The following LRMDA variants were observed in gnomAD, a reference collection of about 807,000 sequenced individuals.
LRMDA encodes leucine rich melanocyte differentiation associated, also known as leucine-rich melanocyte differentiation-associated protein.
A neutral mutation model predicts 29.8 loss-of-function variants in LRMDA; 18 were observed. The observed-to-expected ratio is 0.60, with a 90% CI of 0.42 to 0.90. The LOEUF (loss-of-function observed/expected upper bound fraction) is 0.90. LRMDA is among the 40% of genes least tolerant of loss of function. LRMDA has a pLI of 0.00. For missense variants in LRMDA, 273 were observed against 273.9 expected (o/e 1.00, Z 0.02); for synonymous variants, 125 against 109.4 (o/e 1.14, Z -0.89).
At chr10:75,483,390 C>T (rs1055841138) in intron 2 of LRMDA, among the ~76,000 whole-genome samples, 33 of 152,212 alleles carry the variant, frequency 2.2e-4, no homozygotes, top group African/African-American at 7.5e-4. Context: ...TTAATTTTGG[C>T]TGAGTTGACA....
intron 6 of LRMDA, among the ~76,000 whole-genome samples, chr10:76,452,966 A>G: frequency 6.6e-6 from 1 of 152,144 alleles, no homozygotes; most frequent in East Asian, 1.9e-4. Context: ...CTGGACTTCT[A>G]TATATTTGAA....
chr10:76,226,012 T>C (rs1851950910), intron 5 of LRMDA, among the ~76,000 whole-genome samples: 1 of 151,902 alleles, frequency 6.6e-6, no homozygotes, highest in Non-Finnish European at 1.5e-5. Flanking sequence ...TTGCTGAGAA[T>C]GATGGTTTCC....
At chr10:76,043,779 T>G (rs932848242) in intron 3 of LRMDA, among the ~76,000 whole-genome samples, 4 of 152,214 alleles carry the variant, frequency 2.6e-5, no homozygotes, top group African/African-American at 9.7e-5. Context: ...ATGACTGGCA[T>G]TTCAATCCAA....
intron 2 of LRMDA, among the ~76,000 whole-genome samples, chr10:75,889,872 G>A (rs972405303): frequency 1.1e-4 from 16 of 152,190 alleles, no homozygotes; most frequent in African/African-American, 3.9e-4. Flanking sequence ...TCAAACTAAG[G>A]GCTATAGAGG....
At chr10:75,658,438 C>T (rs981382435) in intron 2 of LRMDA, among the ~76,000 whole-genome samples, 1 of 152,026 alleles carries the variant, frequency 6.6e-6, no homozygotes, top group Non-Finnish European at 1.5e-5. Flanking sequence ...AATTCCTAAC[C>T]TCAAATAGCA....
chr10:75,944,211 G>A (rs1455785285), intron 2 of LRMDA, among the ~76,000 whole-genome samples: 2 of 152,006 alleles, frequency 1.3e-5, no homozygotes, highest in African/African-American at 4.8e-5. Flanking sequence ...TGTTGTTTTA[G>A]CAGTTTACAG....
intron 5 of LRMDA, among the ~76,000 whole-genome samples, chr10:76,218,886 G>A (rs1228358776): frequency 6.6e-6 from 1 of 152,294 alleles, no homozygotes; most frequent in East Asian, 1.9e-4. Flanking sequence ...GTCCCATGGG[G>A]AGCAGCCAGT....
intron 2 of LRMDA, among the ~76,000 whole-genome samples, chr10:75,920,273 A>AC (rs950423307): frequency 1.3e-5 from 2 of 152,054 alleles, no homozygotes; most frequent in Non-Finnish European, 2.9e-5. Context: ...ATTTGAGATT[A>AC]CCCCCAGGAC....
chr10:75,710,787 T>G (rs969917304), intron 2 of LRMDA, among the ~76,000 whole-genome samples: 1 of 152,244 alleles, frequency 6.6e-6, no homozygotes, highest in African/African-American at 2.4e-5. Context: ...CCTCTTTTCT[T>G]TTTATCCTGT....
chr10:76,151,568 G>A (rs975553348), intron 5 of LRMDA, among the ~76,000 whole-genome samples: 5 of 152,156 alleles, frequency 3.3e-5, no homozygotes, highest in African/African-American at 1.2e-4. Flanking sequence ...TTATGTGTGG[G>A]GGAGGAAAAA....
chr10:75,637,977 A>G (rs374715547), intron 2 of LRMDA, among the ~76,000 whole-genome samples: 2 of 152,236 alleles, frequency 1.3e-5, no homozygotes, highest in African/African-American at 4.8e-5. Flanking sequence ...GAGACCCTCA[A>G]ATAACTCCCT....
chr10:76,245,634 G>A (rs940635714), intron 5 of LRMDA, among the ~76,000 whole-genome samples: 8 of 152,212 alleles, frequency 5.3e-5, no homozygotes, highest in Admixed American at 2.0e-4. Context: ...ATAAACCTGA[G>A]GCTTGGAGGT....
intron 5 of LRMDA, among the ~76,000 whole-genome samples, chr10:76,302,378 A>C (rs901528619): frequency 6.6e-6 from 1 of 152,156 alleles, no homozygotes; most frequent in Admixed American, 6.5e-5. Context: ...GGTGGTAAGG[A>C]GAAAAGGCTG....
intron 5 of LRMDA, among the ~76,000 whole-genome samples, chr10:76,103,813 G>A (rs1849435351): frequency 6.6e-6 from 1 of 152,150 alleles, no homozygotes; most frequent in Non-Finnish European, 1.5e-5. Context: ...CACTTTGGGA[G>A]GCTGAGGCGG....
At chr10:75,440,076 A>G (rs1844310441) in intron 2 of LRMDA, among the ~76,000 whole-genome samples, 1 of 151,380 alleles carries the variant, frequency 6.6e-6, no homozygotes, top group Non-Finnish European at 1.5e-5. Flanking sequence ...GGGTTTGAGG[A>G]AACACAGCCA....
chr10:75,637,403 G>A (rs894249320), intron 2 of LRMDA, among the ~76,000 whole-genome samples: 3 of 152,172 alleles, frequency 2.0e-5, no homozygotes, highest in Non-Finnish European at 4.4e-5. Flanking sequence ...GAGACAGAGA[G>A]GGGGAGGGAG....
At chr10:76,131,222 GC>G (rs1163433497) in intron 5 of LRMDA, among the ~76,000 whole-genome samples, 14 of 152,174 alleles carry the variant, frequency 9.2e-5, no homozygotes, top group African/African-American at 2.9e-4. Flanking sequence ...TTCTGTCTCT[GC>G]CTTTTTAGTT....
intron 2 of LRMDA, among the ~76,000 whole-genome samples, chr10:75,532,142 C>T (rs1431210679): frequency 6.6e-6 from 1 of 151,588 alleles, no homozygotes; most frequent in East Asian, 1.9e-4. Context: ...CCAGTGTCCC[C>T]TTTTATGACC....
intron 2 of LRMDA, among the ~76,000 whole-genome samples, chr10:75,750,761 G>A (rs185560780): frequency 0.021 from 3,191 of 150,378 alleles, 119 homozygotes; most frequent in East Asian, 0.14. Context: ...GACGATGGGC[G>A]GCCAGGCAGA....
Sources: gnomAD v4.1 joint callset for allele counts (sites outside exome capture counted in the v4.1 genomes callset) on GRCh38, gnomAD v4.1.1 for gene constraint, MANE v1.5 for transcripts, NCBI Gene and HGNC (gene_info 2026-07-23, HGNC 2026-07-21) for gene names.